The following TMEM132C variants were observed in gnomAD, a reference collection of about 807,000 sequenced individuals.
TMEM132C encodes the protein transmembrane protein 132C.
TMEM132C carries 29 observed loss-of-function variants against 61.4 expected under a neutral mutation model. That is an observed-to-expected ratio of 0.47 (90% CI 0.35 to 0.64). TMEM132C has a LOEUF of 0.64. Ranked by LOEUF, TMEM132C falls within the 30% of genes least tolerant of loss-of-function variation. TMEM132C has a pLI of 0.00. For missense variants in TMEM132C, 1,408 were observed against 1,476.9 expected (o/e 0.95, Z 0.76); for synonymous variants, 656 against 633.1 (o/e 1.04, Z -0.54).
chr12:128,351,030 A>G (rs1029054172), intron 1 of TMEM132C, among the ~76,000 whole-genome samples: 1 of 152,202 alleles, frequency 6.6e-6, no homozygotes, highest in African/African-American at 2.4e-5. Flanking sequence ...CTCTTACTCC[A>G]TAAAATGCCC....
Position 128,515,997 on chromosome 12 carries a change from C to T in TMEM132C, c.975-27960C>T, listed in dbSNP as rs75106667. Among the ~76,000 whole-genome samples, 1,391 of 152,254 alleles carry T rather than the reference C, an allele frequency of 9.1e-3. 13 individuals are homozygous for T. The highest frequency in any genetic ancestry group is 0.01 in the Non-Finnish European group (687 of 68,040). Reference sequence around the variant, plus strand: ...GGCCCATGTCCGTGCCAGCATCACCCGCCCTGTGGTTCGCTGGTTTGAGGT... The same window carrying T: ...GGCCCATGTCCGTGCCAGCATCACCTGCCCTGTGGTTCGCTGGTTTGAGGT... On this transcript the variant is annotated intron_variant, in intron 2 of 8. Coordinates refer to ENST00000435159, the MANE Select transcript of TMEM132C (RefSeq NM_001136103.3).
rs1359394932 is a variant in TMEM132C, at chr12:128,706,673, T to C, written c.*378T>C. 1 of 164,554 alleles carries C rather than the reference T, an allele frequency of 6.1e-6. No individual in the cohort carries two copies. Among genetic ancestry groups the C allele is most frequent in the Non-Finnish European group, 1.3e-5 (1 of 76,650 alleles). 10.2% of individuals were successfully genotyped at this position (164,554 alleles called of 1,614,324 possible). On this transcript the variant is annotated 3_prime_UTR_variant, in exon 9 of 9. Transcript: ENST00000435159. Reference sequence around the variant, plus strand: ...AGAAATAATCATCTGTTTATATTTCTAATAAAGGAGCAAAATATAAAAATA... The same window carrying C: ...AGAAATAATCATCTGTTTATATTTCCAATAAAGGAGCAAAATATAAAAATA...
chr12:128,441,950 C>T (rs145502138), intron 2 of TMEM132C, among the ~76,000 whole-genome samples: 60 of 152,204 alleles, frequency 3.9e-4, no homozygotes, highest in African/African-American at 9.9e-4. Context: ...TGCACTGAGC[C>T]GGGATCGCAC....
chr12:128,523,577 A>T (rs1872979293), intron 2 of TMEM132C, among the ~76,000 whole-genome samples: 1 of 152,190 alleles, frequency 6.6e-6, no homozygotes, highest in African/African-American at 2.4e-5. Context: ...TCTCACGAAC[A>T]TTCCACAAGG....
chr12:128,599,569 C>T (rs535114184), intron 3 of TMEM132C, among the ~76,000 whole-genome samples: 2 of 152,298 alleles, frequency 1.3e-5, no homozygotes, highest in South Asian at 2.1e-4. Context: ...ACTGTGGCTG[C>T]ACATAGGGAT....
At chr12:128,410,947 T>C (rs10773539) in intron 1 of TMEM132C, among the ~76,000 whole-genome samples, 56,154 of 152,060 alleles carry the variant, frequency 0.37, 11,623 homozygotes, top group Non-Finnish European at 0.46. Context: ...TTCAACTTTC[T>C]TCTTAATTCA....
At chr12:128,422,943 G>C (rs974263166) in intron 2 of TMEM132C, among the ~76,000 whole-genome samples, 1 of 152,144 alleles carries the variant, frequency 6.6e-6, no homozygotes, top group Non-Finnish European at 1.5e-5. Context: ...GGTGGTCTGT[G>C]GGATGTGGGC....
At chr12:128,365,951 T>C (rs1051468340) in intron 1 of TMEM132C, among the ~76,000 whole-genome samples, 3 of 152,196 alleles carry the variant, frequency 2.0e-5, no homozygotes, top group African/African-American at 7.2e-5. Flanking sequence ...ACTTTTTCAT[T>C]TTGATCCAAT....
chr12:128,284,015 C>T (rs562913991), intron 1 of TMEM132C, among the ~76,000 whole-genome samples: 1 of 152,258 alleles, frequency 6.6e-6, no homozygotes, highest in East Asian at 1.9e-4. Flanking sequence ...TTAGAAGAAT[C>T]CTATAAAGTT....
chr12:128,544,999 TAC>T (rs1873898688), intron 3 of TMEM132C, among the ~76,000 whole-genome samples: 1 of 152,172 alleles, frequency 6.6e-6, no homozygotes, highest in African/African-American at 2.4e-5. Flanking sequence ...ATTCAGGGGG[TAC>T]ATGTGCAGGT....
chr12:128,513,919 CCTCCAAGA>C (rs1476335345), intron 2 of TMEM132C, among the ~76,000 whole-genome samples: 10 of 152,186 alleles, frequency 6.6e-5, no homozygotes, highest in Non-Finnish European at 1.3e-4. Flanking sequence ...GCAGCCCCAG[CCTCCAAGA>C]ATAGCTGAAC....
chr12:128,452,030 A>G (rs950035607), intron 2 of TMEM132C, among the ~76,000 whole-genome samples: 6 of 152,138 alleles, frequency 3.9e-5, no homozygotes, highest in Non-Finnish European at 7.3e-5. Flanking sequence ...AAAGAGAAGG[A>G]AGTCGAAATG....
chr12:128,646,079 T>A (rs1954195249), intron 4 of TMEM132C, among the ~76,000 whole-genome samples: 1 of 151,978 alleles, frequency 6.6e-6, no homozygotes, highest in Non-Finnish European at 1.5e-5. Context: ...ATTGGATGAG[T>A]GTGTTTACTG....
chr12:128,606,726 T>C (rs1876440003), intron 3 of TMEM132C, among the ~76,000 whole-genome samples: 1 of 152,156 alleles, frequency 6.6e-6, no homozygotes. Context: ...CTTGAGTTTG[T>C]GGACTCTGCC....
chr12:128,280,780 C>T (rs1347422009), intron 1 of TMEM132C, among the ~76,000 whole-genome samples: 1 of 152,158 alleles, frequency 6.6e-6, no homozygotes, highest in Non-Finnish European at 1.5e-5. Flanking sequence ...ATATCTCTCT[C>T]TCAATAATCC....
At chr12:128,359,142 C>T (rs561657071) in intron 1 of TMEM132C, among the ~76,000 whole-genome samples, 129 of 152,292 alleles carry the variant, frequency 8.5e-4, no homozygotes, top group Non-Finnish European at 1.1e-3. Flanking sequence ...ACCTACTACT[C>T]GCTTTGTCAT....
At chr12:128,631,662 C>T (rs1326186021) in intron 4 of TMEM132C, among the ~76,000 whole-genome samples, 1 of 152,174 alleles carries the variant, frequency 6.6e-6, no homozygotes, top group Non-Finnish European at 1.5e-5. Flanking sequence ...TTAGATTGAC[C>T]ATGTAGCTTC....
chr12:128,593,373 T>C (rs1875828598), intron 3 of TMEM132C, among the ~76,000 whole-genome samples: 1 of 151,986 alleles, frequency 6.6e-6, no homozygotes, highest in African/African-American at 2.4e-5. Flanking sequence ...CAAATTAAAG[T>C]AAGAAACAGA....
chr12:128,442,431 C>T (rs536425735), intron 2 of TMEM132C, among the ~76,000 whole-genome samples: 144 of 152,274 alleles, frequency 9.5e-4, no homozygotes, highest in African/African-American at 3.2e-3. Context: ...AGTGAAATCC[C>T]AGTAATATCC....
Sources: allele counts gnomAD v4.1 joint callset (sites outside exome capture counted in the v4.1 genomes callset), GRCh38; gene constraint gnomAD v4.1.1; transcripts MANE v1.5; gene names NCBI Gene and HGNC (gene_info 2026-07-23, HGNC 2026-07-21).